The following MAGI2 variants were observed in gnomAD, a reference collection of about 807,000 sequenced individuals.
MAGI2 encodes membrane associated guanylate kinase, WW and PDZ domain containing 2, also known as membrane-associated guanylate kinase, WW and PDZ domain-containing protein 2.
A neutral mutation model predicts 133.3 loss-of-function variants in MAGI2; 35 were observed. That is an observed-to-expected ratio of 0.26 (90% CI 0.20 to 0.35). The LOEUF (loss-of-function observed/expected upper bound fraction) is 0.35, where lower values mean the gene tolerates loss of function less well. Among genes scored for constraint, MAGI2 ranks in the 10% least tolerant of loss-of-function variants. The pLI is 1.00. For missense variants in MAGI2, 1,636 were observed against 1,863.4 expected (o/e 0.88, Z 2.25); for synonymous variants, 729 against 710.6 (o/e 1.03, Z -0.41).
At chr7:78,670,304 G>C (rs1252002453) in intron 2 of MAGI2, among the ~76,000 whole-genome samples, 1 of 152,116 alleles carries the variant, frequency 6.6e-6, no homozygotes, top group Non-Finnish European at 1.5e-5. Flanking sequence ...CAAATCATGA[G>C]TGAACTCCCA....
chr7:78,087,158 A>T (rs1390499947), intron 20 of MAGI2, among the ~76,000 whole-genome samples: 1 of 152,116 alleles, frequency 6.6e-6, no homozygotes. Flanking sequence ...AGAAGTATTG[A>T]CCTTTGCCAA....
intron 3 of MAGI2, among the ~76,000 whole-genome samples, chr7:78,587,267 T>A (rs960292748): frequency 1.3e-5 from 2 of 152,234 alleles, no homozygotes; most frequent in African/African-American, 4.8e-5. Flanking sequence ...CCCCCCTTTT[T>A]TTCTCTTTTG....
chr7:78,483,338 T>C (rs2150467814), intron 6 of MAGI2, among the ~76,000 whole-genome samples: 1 of 152,054 alleles, frequency 6.6e-6, no homozygotes, highest in East Asian at 1.9e-4. Context: ...TTGCTCTACA[T>C]GCAAGTAACT....
chr7:78,814,871 T>C (rs958308567), intron 2 of MAGI2, among the ~76,000 whole-genome samples: 6 of 152,178 alleles, frequency 3.9e-5, no homozygotes, highest in African/African-American at 1.2e-4. Flanking sequence ...AACAGGTGCA[T>C]GCCATCACAC....
chr7:78,900,203 T>A (rs1261452343), intron 2 of MAGI2, among the ~76,000 whole-genome samples: 1 of 152,214 alleles, frequency 6.6e-6, no homozygotes, highest in Non-Finnish European at 1.5e-5. Context: ...TACTCACTAG[T>A]GCTTCCTGTT....
intron 1 of MAGI2, among the ~76,000 whole-genome samples, chr7:79,279,795 T>C (rs948553996): frequency 6.6e-6 from 1 of 152,218 alleles, no homozygotes. Context: ...TCAAATTACG[T>C]GACATTTACC....
At chr7:78,507,416 G>C (rs996809935) in intron 4 of MAGI2, among the ~76,000 whole-genome samples, 1 of 152,100 alleles carries the variant, frequency 6.6e-6, no homozygotes, top group Non-Finnish European at 1.5e-5. Context: ...ATATTTAGGG[G>C]AAGAAAAGGG....
chr7:79,417,565 G>A (rs532908232), intron 1 of MAGI2, among the ~76,000 whole-genome samples: 2 of 152,154 alleles, frequency 1.3e-5, no homozygotes, highest in South Asian at 2.1e-4. Context: ...CTATGTAGGC[G>A]TTATCTATGT....
chr7:78,551,221 TG>T (rs1799307406), intron 3 of MAGI2, among the ~76,000 whole-genome samples: 1 of 152,252 alleles, frequency 6.6e-6, no homozygotes, highest in Non-Finnish European at 1.5e-5. Flanking sequence ...CACCTTGCAG[TG>T]TTCATTAGCA....
chr7:78,752,692 G>A (rs1382184863), intron 2 of MAGI2, among the ~76,000 whole-genome samples: 1 of 152,192 alleles, frequency 6.6e-6, no homozygotes, highest in African/African-American at 2.4e-5. Flanking sequence ...GAATACCACA[G>A]CCTATTGTGA....
At chr7:78,301,272 G>A (rs1178914649) in intron 9 of MAGI2, among the ~76,000 whole-genome samples, 2 of 152,114 alleles carry the variant, frequency 1.3e-5, no homozygotes, top group Non-Finnish European at 2.9e-5. Context: ...CAGAAAAGAA[G>A]CCAATGCAAG....
chr7:78,402,687 T>C (rs980775955), intron 6 of MAGI2, among the ~76,000 whole-genome samples: 1 of 152,222 alleles, frequency 6.6e-6, no homozygotes, highest in Non-Finnish European at 1.5e-5. Context: ...ATTAAACTTA[T>C]AAGTCAACCA....
chr7:78,965,691 C>T (rs1357273403), intron 2 of MAGI2, among the ~76,000 whole-genome samples: 2 of 151,912 alleles, frequency 1.3e-5, no homozygotes, highest in Non-Finnish European at 2.9e-5. Context: ...TAAACTATGA[C>T]GTACAGAAAT....
chr7:78,203,344 C>T (rs959381204), intron 10 of MAGI2, among the ~76,000 whole-genome samples: 7 of 152,308 alleles, frequency 4.6e-5, no homozygotes, highest in Admixed American at 1.3e-4. Context: ...AGATGATTTT[C>T]CCTCCTATAG....
intron 2 of MAGI2, among the ~76,000 whole-genome samples, chr7:78,791,541 CTTTTT>C (rs553315100): frequency 7.5e-6 from 1 of 133,010 alleles, no homozygotes; most frequent in Non-Finnish European, 1.6e-5. Context: ...GAGAAACAAT[CTTTTT>C]TTTTTTTTTT....
intron 1 of MAGI2, among the ~76,000 whole-genome samples, chr7:79,360,728 T>C (rs1363005940): frequency 6.6e-6 from 1 of 151,978 alleles, no homozygotes; most frequent in Non-Finnish European, 1.5e-5. Context: ...AAAAATGCTA[T>C]AAATAAATTG....
chr7:78,017,766 G>A lies in MAGI2; in HGVS notation c.*1549C>T, dbSNP rs1807910534. ...ACTCAGGATACTGCAATTACAAGGA[G>A]AGGGAATGATCAGCCCAGGGAGGCT... is the stretch of plus-strand genomic sequence containing the variant. On this transcript the variant is annotated 3_prime_UTR_variant, in exon 22 of 22. Coordinates refer to ENST00000354212, the MANE Select transcript of MAGI2 (RefSeq NM_012301.4). The A allele has an allele frequency of 6.6e-6, 1 of 152,510 alleles. No homozygotes were observed. The highest frequency in any genetic ancestry group is 2.4e-5 in the African/African-American group (1 of 41,464). The allele number at this position is 152,510 out of a possible 1,614,324, so 9.4% of individuals were successfully genotyped here. A position where few individuals can be genotyped will look rare whatever the true frequency, so the allele number is the denominator to read the frequency against.
chr7:79,106,684 C>A (rs535134695), intron 1 of MAGI2, among the ~76,000 whole-genome samples: 1 of 152,266 alleles, frequency 6.6e-6, no homozygotes, highest in East Asian at 1.9e-4. Flanking sequence ...TTTCTATACA[C>A]TGAGCTATGT....
chr7:79,016,203 T>C, intron 1 of MAGI2, among the ~76,000 whole-genome samples: 1 of 152,078 alleles, frequency 6.6e-6, no homozygotes, highest in East Asian at 1.9e-4. Flanking sequence ...GGAGCACTAC[T>C]AGGGACACCC....
Sources: gnomAD v4.1 joint callset for allele counts (sites outside exome capture counted in the v4.1 genomes callset) on GRCh38, gnomAD v4.1.1 for gene constraint, MANE v1.5 for transcripts, NCBI Gene and HGNC (gene_info 2026-07-23, HGNC 2026-07-21) for gene names.